The following CIROP variants were observed in gnomAD, a reference collection of about 807,000 sequenced individuals.
CIROP encodes the protein leishmanolysin homolog.
At chr14:23,104,786 T>C in the CIROP span, 3 of 702,654 alleles carry the variant, frequency 4.3e-6, no homozygotes, top group South Asian at 1.5e-5. Context: ...AAGAGCGAGA[T>C]TTTGAGGGGA....
the CIROP span, chr14:23,101,837 C>A: frequency 3.7e-5 from 26 of 702,720 alleles, no homozygotes; most frequent in Non-Finnish European, 6.5e-5. Context: ...ACTCAGCACA[C>A]ACACCTGCCA....
the CIROP span, chr14:23,104,123 C>G: frequency 3.4e-6 from 2 of 591,902 alleles, no homozygotes; most frequent in African/African-American, 3.7e-5. Flanking sequence ...AGGATCCTGT[C>G]TTCCGTCCCC....
the CIROP span, chr14:23,104,946 AC>A: frequency 6.0e-5 from 40 of 669,704 alleles, no homozygotes; most frequent in African/African-American, 5.6e-4. Flanking sequence ...CTCCGTAGAT[AC>A]AGCCTGGATC....
the CIROP span, chr14:23,101,793 C>G: frequency 1.4e-6 from 1 of 702,892 alleles, no homozygotes; most frequent in South Asian, 1.5e-5. Flanking sequence ...TAGAGTGACA[C>G]TAGAATCACT....
the CIROP span, chr14:23,099,310 AC>A: frequency 2.4e-6 from 1 of 413,346 alleles, no homozygotes; most frequent in Non-Finnish European, 4.4e-6. Flanking sequence ...TCTAACTGGG[AC>A]CCTTGTGCTG....
the CIROP span, chr14:23,101,828 C>T: frequency 1.4e-6 from 1 of 702,880 alleles, no homozygotes; most frequent in Non-Finnish European, 2.6e-6. Context: ...CCCCTAACCA[C>T]TCAGCACACA....
At chr14:23,102,400 G>A in the CIROP span, 26,584 of 702,920 alleles carry the variant, frequency 0.038, 709 homozygotes, top group East Asian at 0.12. Flanking sequence ...TGTTTGGCCA[G>A]GCTGAGGCTA....
the CIROP span, chr14:23,102,404 G>A: frequency 1.4e-6 from 1 of 703,010 alleles, no homozygotes; most frequent in Middle Eastern, 2.3e-4. Context: ...TGGCCAGGCT[G>A]AGGCTAACAG....
the CIROP span, chr14:23,104,417 G>A: frequency 1.4e-6 from 1 of 702,936 alleles, no homozygotes; most frequent in African/African-American, 1.7e-5. Context: ...GGTCTCCCCA[G>A]ACAGCGTGGC....
At chr14:23,101,550 C>T in the CIROP span, 9 of 663,692 alleles carry the variant, frequency 1.4e-5, no homozygotes, top group Admixed American at 1.7e-4. Context: ...CGTTTTCCTT[C>T]TTCCAGCATT....
the CIROP span, chr14:23,104,728 G>C: frequency 2.8e-6 from 2 of 702,984 alleles, 1 homozygote; most frequent in South Asian, 3.0e-5. Context: ...TAGCAGCTTT[G>C]GATTCGTAGG....
chr14:23,102,179 G>A, the CIROP span: 1 of 703,022 alleles, frequency 1.4e-6, no homozygotes, highest in East Asian at 2.7e-5. Flanking sequence ...ATTGGGTCGA[G>A]TCGAGTGCGC....
chr14:23,103,258 A>G, the CIROP span: 1 of 407,764 alleles, frequency 2.5e-6, no homozygotes, highest in Non-Finnish European at 4.3e-6. Context: ...CTTAATAAAA[A>G]CTGCTTTTGG....
chr14:23,100,784 G>A, the CIROP span: 12,464 of 398,860 alleles, frequency 0.031, 411 homozygotes, highest in East Asian at 0.14. Flanking sequence ...GTCTTCAGAG[G>A]AGAGTCATAA....
the CIROP span, chr14:23,101,318 G>A: frequency 2.0e-6 from 1 of 511,184 alleles, no homozygotes; most frequent in Non-Finnish European, 3.4e-6. Flanking sequence ...GGAAGGCATG[G>A]GACCCAAGGC....
chr14:23,102,173 GGTCGA>G, the CIROP span: 1 of 702,952 alleles, frequency 1.4e-6, no homozygotes, highest in Non-Finnish European at 2.6e-6. Flanking sequence ...AGGGTGATTG[GGTCGA>G]GTCGAGTGCG....
At chr14:23,102,272 G>A in the CIROP span, 1 of 702,742 alleles carries the variant, frequency 1.4e-6, no homozygotes, top group African/African-American at 1.7e-5. Flanking sequence ...CCCTCCTGGA[G>A]GAGGTGGCAG....
chr14:23,101,993 C>T, the CIROP span: 4 of 701,100 alleles, frequency 5.7e-6, no homozygotes, highest in East Asian at 5.4e-5. Context: ...CTCACAGCTT[C>T]GATTATACAT....
At chr14:23,102,836 G>C in the CIROP span, 1 of 644,284 alleles carries the variant, frequency 1.6e-6, no homozygotes, top group East Asian at 2.7e-5. Context: ...TCCATCCTCT[G>C]TGGGTTCTTT....
Sources: gnomAD v4.1 joint callset for allele counts on GRCh38, gnomAD v4.1.1 for gene constraint, MANE v1.5 for transcripts, NCBI Gene and HGNC (gene_info 2026-07-23, HGNC 2026-07-21) for gene names.